PTGER3: variants seen among roughly 807,000 people sequenced by gnomAD.
The protein encoded by PTGER3 is prostaglandin E2 receptor EP3 subtype.
In PTGER3, 22 loss-of-function variants were observed where a neutral mutation model predicts 34.7. The observed-to-expected ratio is 0.63, with a 90% CI of 0.45 to 0.91. The LOEUF is 0.91. PTGER3 is among the 40% of genes least tolerant of loss of function. PTGER3 has a pLI of 0.00. For synonymous variants in PTGER3, 241 were observed against 230.1 expected, an observed-to-expected ratio of 1.05 and a Z score of -0.43; for missense variants, 468 against 519.4, an observed-to-expected ratio of 0.90 and a Z score of 0.96.
downstream of PTGER3, among the ~76,000 whole-genome samples, chr1:70,968,866 G>T (rs974420108): frequency 6.6e-6 from 1 of 151,572 alleles, no homozygotes; most frequent in African/African-American, 2.4e-5. Context: ...TAATTATTTT[G>T]TTACTTATTA....
chr1:70,896,093 T>C (rs1010383469), intron 4 of PTGER3, among the ~76,000 whole-genome samples: 1 of 152,226 alleles, frequency 6.6e-6, no homozygotes, highest in African/African-American at 2.4e-5. Flanking sequence ...TTCAAAATGA[T>C]GAAGATAGTA....
At chr1:71,043,599 C>T (rs1350258097) in intron 1 of PTGER3, among the ~76,000 whole-genome samples, 4 of 152,118 alleles carry the variant, frequency 2.6e-5, no homozygotes, top group Admixed American at 1.3e-4. Flanking sequence ...CCCAACTTAA[C>T]GAATGCTAGC....
At chr1:70,911,805 C>G (rs1052863359) in intron 4 of PTGER3, among the ~76,000 whole-genome samples, 1 of 152,122 alleles carries the variant, frequency 6.6e-6, no homozygotes, top group South Asian at 2.1e-4. Flanking sequence ...TTGAACTCCA[C>G]AATGAACAAA....
At chr1:70,981,387 C>CT (rs1557708658) in intron 2 of PTGER3, among the ~76,000 whole-genome samples, 1 of 66,160 alleles carries the variant, frequency 1.5e-5, no homozygotes, top group African/African-American at 6.1e-5. Flanking sequence ...TTCTTTCTTT[C>CT]TTTCTTTCCT....
chr1:70,909,581 G>C (rs1647020813), intron 4 of PTGER3, among the ~76,000 whole-genome samples: 1 of 152,130 alleles, frequency 6.6e-6, no homozygotes, highest in Non-Finnish European at 1.5e-5. Flanking sequence ...CTCCTCAAGT[G>C]TTAGAGTTCA....
chr1:71,005,529 C>A (rs758749824), intron 2 of PTGER3, among the ~76,000 whole-genome samples: 1 of 152,178 alleles, frequency 6.6e-6, no homozygotes. Flanking sequence ...ATTTCCTGTT[C>A]CCCTACCAGG....
rs115895239 is a variant in PTGER3, at chr1:71,001,236, T to C, written c.1077+11069A>G. On this transcript the variant is annotated intron_variant, in intron 2 of 3. Coordinates refer to ENST00000306666, the MANE Select transcript of PTGER3 (RefSeq NM_198719.2). The stretch of plus-strand genomic sequence containing the variant: ...ATACACATTTGAGGTATAACAGATA[T>C]CTCTCTTGCTCCTTCACACACACAC... Among the ~76,000 whole-genome samples, 1,261 of 151,976 alleles carry C rather than the reference T, an allele frequency of 8.3e-3. 27 individuals are homozygous for C. Among genetic ancestry groups the C allele is most frequent in the African/African-American group, 0.029 (1,214 of 41,284 alleles).
chr1:70,887,926 C>T (rs1646532514), intron 4 of PTGER3, among the ~76,000 whole-genome samples: 1 of 152,128 alleles, frequency 6.6e-6, no homozygotes, highest in Non-Finnish European at 1.5e-5. Context: ...TTCTGAGTAA[C>T]TCAAAATAGG....
intron 4 of PTGER3, among the ~76,000 whole-genome samples, chr1:70,921,112 A>G (rs1363339094): frequency 2.0e-5 from 3 of 152,214 alleles, no homozygotes; most frequent in Non-Finnish European, 4.4e-5. Flanking sequence ...TGAGTAAAAA[A>G]GAGCAACTTT....
chr1:71,025,131 CCCTT>C (rs3044608), intron 1 of PTGER3, among the ~76,000 whole-genome samples: 64 of 124,420 alleles, frequency 5.1e-4, no homozygotes, highest in East Asian at 9.4e-4. Flanking sequence ...AGATTCCAGG[CCCTT>C]CCTTCCTTCC....
At chr1:70,926,117 A>G (rs951257940) in intron 4 of PTGER3, among the ~76,000 whole-genome samples, 1 of 152,172 alleles carries the variant, frequency 6.6e-6, no homozygotes, top group Non-Finnish European at 1.5e-5. Flanking sequence ...CATGTGAGAG[A>G]TGTTGAGCTT....
intron 4 of PTGER3, among the ~76,000 whole-genome samples, chr1:70,919,694 A>G (rs1647341808): frequency 6.6e-6 from 1 of 152,112 alleles, no homozygotes; most frequent in Non-Finnish European, 1.5e-5. Context: ...TTTTACTACA[A>G]CTGGGGGATA....
chr1:71,021,845 T>C (rs773065876), intron 1 of PTGER3, among the ~76,000 whole-genome samples: 1 of 151,836 alleles, frequency 6.6e-6, no homozygotes, highest in Non-Finnish European at 1.5e-5. Flanking sequence ...AGAGCACTGC[T>C]TAAACTATGG....
chr1:71,020,405 A>T (rs914559257), intron 1 of PTGER3, among the ~76,000 whole-genome samples: 1 of 152,200 alleles, frequency 6.6e-6, no homozygotes, highest in African/African-American at 2.4e-5. Flanking sequence ...AAAGTCATTT[A>T]TCTCTGAACT....
chr1:70,971,618 A>C lies in PTGER3; in HGVS notation c.*112T>G. 1 of 1,400,042 alleles carries C rather than the reference A, an allele frequency of 7.1e-7. No individual in the cohort carries two copies. Among genetic ancestry groups the C allele is most frequent in the Admixed American group, 2.7e-5 (1 of 37,024 alleles). 86.7% of individuals were successfully genotyped at this position (1,400,042 alleles called of 1,614,324 possible). ...AACAATCATTAAAATAAAAAGATAAAAATGAAGAAATAATCCAAATTAAAA... is the reference window on the plus strand; with the variant it reads ...AACAATCATTAAAATAAAAAGATAACAATGAAGAAATAATCCAAATTAAAA... On this transcript the variant is annotated 3_prime_UTR_variant, in exon 4 of 4. Transcript: ENST00000306666.
chr1:71,044,446 A>C (rs1660582913), intron 1 of PTGER3, among the ~76,000 whole-genome samples: 1 of 151,494 alleles, frequency 6.6e-6, no homozygotes, highest in Non-Finnish European at 1.5e-5. Context: ...TCTCAAAAAA[A>C]AAAAAAATTC....
At chr1:70,981,757 T>A (rs1049100879) in intron 2 of PTGER3, among the ~76,000 whole-genome samples, 2 of 152,118 alleles carry the variant, frequency 1.3e-5, no homozygotes, top group Middle Eastern at 3.4e-3. Flanking sequence ...TAAGCTAACA[T>A]AAGTTTTGAT....
At chr1:70,965,586 CTTAATATGACAG>C (rs1480051285) in intron 2 of PTGER3, among the ~76,000 whole-genome samples, 4 of 152,142 alleles carry the variant, frequency 2.6e-5, no homozygotes, top group Non-Finnish European at 5.9e-5. Context: ...TCCCTCCATA[CTTAATATGACAG>C]TTAGCTAATT....
chr1:70,860,613 A>C (rs928675014), intron 4 of PTGER3, among the ~76,000 whole-genome samples: 1 of 152,200 alleles, frequency 6.6e-6, no homozygotes, highest in African/African-American at 2.4e-5. Flanking sequence ...ACACTCTAAG[A>C]ATTTATCTCT....
Sources: allele counts gnomAD v4.1 joint callset (sites outside exome capture counted in the v4.1 genomes callset), GRCh38; gene constraint gnomAD v4.1.1; transcripts MANE v1.5; gene names NCBI Gene and HGNC (gene_info 2026-07-23, HGNC 2026-07-21).